Variants in MTHFD2L observed in about 807,000 individuals in gnomAD.
MTHFD2L encodes the protein bifunctional methylenetetrahydrofolate dehydrogenase/cyclohydrolase 2, mitochondrial.
Under a neutral mutation model 34.9 loss-of-function variants are expected in MTHFD2L, and 29 were observed. The ratio of observed to expected loss-of-function variants is 0.83; its 90% CI spans 0.62 to 1.13. MTHFD2L has a LOEUF of 1.13. Among genes scored for constraint, MTHFD2L ranks in the 50% most tolerant of loss-of-function variants. MTHFD2L has a pLI of 0.00. For missense variants in MTHFD2L, 481 were observed against 446.5 expected, an observed-to-expected ratio of 1.08 and a Z score of -0.70; for synonymous variants, 167 against 155.7, an observed-to-expected ratio of 1.07 and a Z score of -0.54.
At chr4:74,122,704 G>A (rs538727915), upstream of MTHFD2L, among the ~76,000 whole-genome samples, 1 of 152,244 alleles carries the variant, frequency 6.6e-6, no homozygotes, top group South Asian at 2.1e-4. Flanking sequence ...ACAACTAAAT[G>A]CAATACTTGA....
intron 6 of MTHFD2L, among the ~76,000 whole-genome samples, chr4:74,270,397 A>G (rs943912456): frequency 7.3e-5 from 11 of 150,022 alleles, no homozygotes; most frequent in Non-Finnish European, 1.2e-4. Context: ...TTCAATTCCC[A>G]CCTATGAGTG....
At chr4:74,281,581 G>A in intron 7 of MTHFD2L, 31 bp downstream of exon 7, 1 of 1,573,552 alleles carries the variant, frequency 6.4e-7, no homozygotes, top group Non-Finnish European at 8.6e-7. Flanking sequence ...GATAGGTGAA[G>A]AAGATAAAAA....
intron 5 of MTHFD2L, among the ~76,000 whole-genome samples, chr4:74,215,608 G>C (rs984807970): frequency 6.6e-6 from 1 of 151,696 alleles, no homozygotes; most frequent in Non-Finnish European, 1.5e-5. Flanking sequence ...CATTGATCTC[G>C]CTGGGAGCTG....
intron 1 of MTHFD2L, among the ~76,000 whole-genome samples, chr4:74,125,777 C>T (rs73827544): frequency 0.015 from 2,290 of 151,936 alleles, 49 homozygotes; most frequent in African/African-American, 0.052. Flanking sequence ...AAAAGCATAA[C>T]AAAATTTGTT....
intron 1 of MTHFD2L, among the ~76,000 whole-genome samples, chr4:74,134,581 A>G (rs1173513622): frequency 2.0e-5 from 3 of 152,156 alleles, no homozygotes; most frequent in Admixed American, 2.0e-4. Flanking sequence ...TACCCACAAG[A>G]AACAACAGCA....
At chr4:74,275,821 A>T (rs1363934709) in intron 6 of MTHFD2L, among the ~76,000 whole-genome samples, 3 of 151,704 alleles carry the variant, frequency 2.0e-5, no homozygotes, top group African/African-American at 7.3e-5. Flanking sequence ...TAAATTTTTT[A>T]AAATTCCTTG....
At chr4:74,117,157 A>G (rs1157846900) in intron 2 of MTHFD2L, among the ~76,000 whole-genome samples, 2 of 152,258 alleles carry the variant, frequency 1.3e-5, no homozygotes, top group African/African-American at 4.8e-5. Context: ...ACGGGGCTTC[A>G]TAGCCATGAC....
chr4:74,224,922 T>C (rs1320415805), intron 5 of MTHFD2L, among the ~76,000 whole-genome samples: 1 of 152,150 alleles, frequency 6.6e-6, no homozygotes, highest in Non-Finnish European at 1.5e-5. Context: ...ATTGTCCCAT[T>C]TTTTGTTCAC....
In MTHFD2L at chr4:74,266,006, A is replaced by G. The variant is rs575049108; in HGVS notation, c.806-15419A>G. The stretch of plus-strand genomic sequence containing the variant: ...TCAATTATTTATGTGTTAGATTCTG[A>G]TATTTGTATATCTGATTTAATTTTT... On this transcript the variant is annotated intron_variant, in intron 6 of 7. Transcript: ENST00000325278. Among the ~76,000 whole-genome samples the G allele has an allele frequency of 1.1e-4, 16 of 152,276 alleles. No homozygotes were observed. The South Asian group carries it at 3.1e-3, about 30-fold the overall frequency.
intron 1 of MTHFD2L, among the ~76,000 whole-genome samples, chr4:74,144,582 G>T (rs1368834131): frequency 2.0e-5 from 3 of 152,126 alleles, no homozygotes; most frequent in Non-Finnish European, 1.5e-5. Flanking sequence ...GGCATTCATT[G>T]AGATTCTTAG....
intron 1 of MTHFD2L, chr4:74,161,914 G>A (rs1485026785): frequency 1.3e-5 from 2 of 152,210 alleles, no homozygotes; most frequent in African/African-American, 2.4e-5. Flanking sequence ...AGTTGTGGAA[G>A]GAGGTTTAAG....
At chr4:74,292,010 A>G (rs1359190181) in intron 7 of MTHFD2L, among the ~76,000 whole-genome samples, 1 of 152,210 alleles carries the variant, frequency 6.6e-6, no homozygotes, top group Non-Finnish European at 1.5e-5. Context: ...ACTTGTTCCA[A>G]TCCTTTAGAA....
intron 6 of MTHFD2L, among the ~76,000 whole-genome samples, chr4:74,256,059 T>C (rs1743986232): frequency 6.6e-6 from 1 of 152,230 alleles, no homozygotes; most frequent in South Asian, 2.1e-4. Flanking sequence ...CTGTTTTAAG[T>C]TATTTGAGAA....
rs185403087 is a variant in MTHFD2L at position 74,258,643 on chromosome 4, T to A, written c.806-22782T>A. ...TCAGATGTATTTCAAGGGATGACTGTATATACACACACATAAAATTTATGG... is the reference window on the plus strand; with the variant it reads ...TCAGATGTATTTCAAGGGATGACTGAATATACACACACATAAAATTTATGG... On this transcript the variant is annotated intron_variant, in intron 6 of 7. Coordinates refer to ENST00000325278, the MANE Select transcript of MTHFD2L (RefSeq NM_001144978.3). Among the ~76,000 whole-genome samples, 1,267 of 151,916 alleles carry A rather than the reference T, an allele frequency of 8.3e-3. 18 individuals are homozygous for A. The highest frequency in any genetic ancestry group is 0.028 in the African/African-American group (1,167 of 41,546).
intron 7 of MTHFD2L, among the ~76,000 whole-genome samples, chr4:74,282,131 T>A (rs1304996512): frequency 1.3e-5 from 2 of 151,986 alleles, no homozygotes; most frequent in Non-Finnish European, 2.9e-5. Flanking sequence ...AAAAAAAAAA[T>A]TCTAACCCAG....
chr4:74,128,840 C>A (rs1368390133), intron 1 of MTHFD2L, among the ~76,000 whole-genome samples: 1 of 151,998 alleles, frequency 6.6e-6, no homozygotes, highest in African/African-American at 2.4e-5. Flanking sequence ...GGTCTTGTTT[C>A]TTTATCCATT....
At chr4:74,201,489 T>G in intron 5 of MTHFD2L, 119 bp downstream of exon 5, 1 of 545,308 alleles carries the variant, frequency 1.8e-6, no homozygotes, top group Admixed American at 3.7e-5. Context: ...GTTCAAAGTC[T>G]CCTTTATTCC....
intron 6 of MTHFD2L, among the ~76,000 whole-genome samples, chr4:74,241,112 A>G (rs766355202): frequency 6.6e-6 from 1 of 152,170 alleles, no homozygotes; most frequent in Non-Finnish European, 1.5e-5. Flanking sequence ...GCCAAGAGGA[A>G]GGAGTGGGGC....
intron 1 of MTHFD2L, among the ~76,000 whole-genome samples, chr4:74,159,248 C>A (rs1724879569): frequency 6.6e-6 from 1 of 152,188 alleles, no homozygotes; most frequent in Non-Finnish European, 1.5e-5. Flanking sequence ...GACATAATTT[C>A]TTGTGACTAG....
Sources: allele counts gnomAD v4.1 joint callset (sites outside exome capture counted in the v4.1 genomes callset), GRCh38; gene constraint gnomAD v4.1.1; transcripts MANE v1.5; gene names NCBI Gene and HGNC (gene_info 2026-07-23, HGNC 2026-07-21).